DPP6: variants seen among roughly 807,000 people sequenced by gnomAD.
DPP6 encodes the protein A-type potassium channel modulatory protein DPP6.
Under a neutral mutation model 122.6 loss-of-function variants are expected in DPP6, and 69 were observed. The ratio of observed to expected loss-of-function variants is 0.56; its 90% CI spans 0.46 to 0.69. The LOEUF is 0.69. Among genes scored for constraint, DPP6 ranks in the 30% least tolerant of loss-of-function variants. DPP6 has a pLI of 0.00. For missense variants in DPP6, 928 were observed against 1,116.9 expected, an observed-to-expected ratio of 0.83 and a Z score of 2.41; for synonymous variants, 418 against 433.1, an observed-to-expected ratio of 0.97 and a Z score of 0.43.
At chr7:154,131,461 C>T (rs1298285653) in intron 1 of DPP6, among the ~76,000 whole-genome samples, 1 of 152,258 alleles carries the variant, frequency 6.6e-6, no homozygotes, top group Non-Finnish European at 1.5e-5. Context: ...GTCAGAGGCC[C>T]TCATTGCTAA....
intron 2 of DPP6, among the ~76,000 whole-genome samples, chr7:154,458,257 G>C (rs936268111): frequency 6.6e-5 from 10 of 152,164 alleles, no homozygotes; most frequent in African/African-American, 2.4e-4. Flanking sequence ...CTATTCTCAT[G>C]ATAGTGAATA....
At chr7:154,711,519 C>T (rs1841178076) in intron 7 of DPP6, among the ~76,000 whole-genome samples, 1 of 152,166 alleles carries the variant, frequency 6.6e-6, no homozygotes, top group Non-Finnish European at 1.5e-5. Context: ...TGAAAGAAAT[C>T]TCTTAGAGAT....
At chr7:154,198,654 T>C (rs1585610549) in intron 1 of DPP6, among the ~76,000 whole-genome samples, 1 of 152,190 alleles carries the variant, frequency 6.6e-6, no homozygotes, top group East Asian at 1.9e-4. Flanking sequence ...AGTCTAAGCA[T>C]TATGCAACTC....
intron 7 of DPP6, among the ~76,000 whole-genome samples, chr7:154,678,072 C>T (rs948611880): frequency 6.6e-6 from 1 of 152,148 alleles, no homozygotes; most frequent in Non-Finnish European, 1.5e-5. Context: ...CTGATCAGCA[C>T]TCTGTAAATA....
Position 153,908,515 on chromosome 7 carries a change from A to T in DPP6, c.51+20781A>T, listed in dbSNP as rs559174106. Among the ~76,000 whole-genome samples, 37 of 152,344 alleles carry T rather than the reference A, an allele frequency of 2.4e-4. No homozygotes were observed. The South Asian group carries it at 7.5e-3, about 31-fold the overall frequency. ...TGGAAGTATAAAAAGAATGGTAATT[A>T]AATGATTTCTATAGGCACACAGTCT... is the stretch of plus-strand genomic sequence containing the variant. On this transcript the variant is annotated intron_variant, in intron 1 of 25. Transcript: ENST00000404039.
intron 10 of DPP6, among the ~76,000 whole-genome samples, chr7:154,781,591 G>A (rs542712283): frequency 6.6e-6 from 1 of 152,336 alleles, no homozygotes; most frequent in African/African-American, 2.4e-5. Flanking sequence ...CTGCCCGAGA[G>A]CATACTCAAA....
At chr7:154,353,415 G>T (rs2151084203) in intron 1 of DPP6, among the ~76,000 whole-genome samples, 1 of 152,218 alleles carries the variant, frequency 6.6e-6, no homozygotes, top group Non-Finnish European at 1.5e-5. Context: ...TGCAAAGTGG[G>T]AGGGCATTTG....
At chr7:154,852,459 G>A (rs1300574963) in intron 16 of DPP6, among the ~76,000 whole-genome samples, 1 of 81,264 alleles carries the variant, frequency 1.2e-5, no homozygotes, top group African/African-American at 3.9e-5. Context: ...TGAGCCAAAG[G>A]GACAGGCTCT....
intron 1 of DPP6, among the ~76,000 whole-genome samples, chr7:154,276,333 G>A (rs377066330): frequency 6.6e-5 from 10 of 152,162 alleles, no homozygotes; most frequent in Non-Finnish European, 1.2e-4. Flanking sequence ...TTAATGCCCC[G>A]TAGGCCTCTC....
chr7:154,879,911 C>T (rs967641728), intron 20 of DPP6, among the ~76,000 whole-genome samples: 3 of 152,238 alleles, frequency 2.0e-5, no homozygotes, highest in Non-Finnish European at 4.4e-5. Flanking sequence ...ACGTGGAGGG[C>T]ACAGCGCACG....
chr7:154,663,698 G>C (rs368622690), intron 6 of DPP6, among the ~76,000 whole-genome samples: 2 of 33,028 alleles, frequency 6.1e-5, no homozygotes, highest in Non-Finnish European at 1.3e-4. Flanking sequence ...ATGGCATATC[G>C]GCCGTAGTGT....
intron 10 of DPP6, among the ~76,000 whole-genome samples, chr7:154,793,103 G>A (rs1797792468): frequency 1.3e-5 from 2 of 152,146 alleles, no homozygotes; most frequent in Admixed American, 6.5e-5. Context: ...TAGTGAGGTC[G>A]CTCTCTGGCT....
At chr7:154,630,423 G>T (rs1234404236) in intron 5 of DPP6, among the ~76,000 whole-genome samples, 1 of 152,176 alleles carries the variant, frequency 6.6e-6, no homozygotes, top group Non-Finnish European at 1.5e-5. Flanking sequence ...ATGTTTACAT[G>T]GACAGTAAGG....
chr7:154,835,865 G>A (rs1386400368), intron 16 of DPP6, among the ~76,000 whole-genome samples: 1 of 152,172 alleles, frequency 6.6e-6, no homozygotes, highest in Non-Finnish European at 1.5e-5. Context: ...TACAGCTGGG[G>A]GTGTCTCAGA....
intron 1 of DPP6, among the ~76,000 whole-genome samples, chr7:153,926,702 A>T (rs1800916073): frequency 6.6e-6 from 1 of 151,662 alleles, no homozygotes; most frequent in South Asian, 2.1e-4. Context: ...TTACATGGAC[A>T]GTGATCAGAG....
the DPP6 span, among the ~76,000 whole-genome samples, chr7:153,850,251 A>G: frequency 1.1e-4 from 17 of 152,122 alleles, 1 homozygote; most frequent in Admixed American, 9.8e-4. Context: ...GGCTGGGGAG[A>G]GATCTGCTTC....
chr7:154,684,955 G>A (rs1369027013), intron 7 of DPP6, among the ~76,000 whole-genome samples: 2 of 152,200 alleles, frequency 1.3e-5, no homozygotes, highest in Non-Finnish European at 2.9e-5. Flanking sequence ...GACAAGATTA[G>A]TTGACTCTGA....
At chr7:154,493,425 C>T (rs1002750418) in intron 3 of DPP6, among the ~76,000 whole-genome samples, 1 of 152,182 alleles carries the variant, frequency 6.6e-6, no homozygotes. Context: ...ACAGGCCTCA[C>T]AGGGAGATTT....
chr7:154,053,277 G>T (rs987455304), intron 1 of DPP6, among the ~76,000 whole-genome samples: 28 of 151,674 alleles, frequency 1.8e-4, no homozygotes, highest in Non-Finnish European at 3.7e-4. Flanking sequence ...CGCGGCGGCC[G>T]GGAGTTGGTG....
Sources: gnomAD v4.1 joint callset for allele counts (sites outside exome capture counted in the v4.1 genomes callset) on GRCh38, gnomAD v4.1.1 for gene constraint, MANE v1.5 for transcripts, NCBI Gene and HGNC (gene_info 2026-07-23, HGNC 2026-07-21) for gene names.